Variants in LPL observed in about 807,000 individuals in gnomAD.
LPL encodes phospholipase A1.
Under a neutral mutation model 52.2 loss-of-function variants are expected in LPL, and 43 were observed. That is an observed-to-expected ratio of 0.82 (90% CI 0.64 to 1.06). LPL has a LOEUF of 1.06. Among genes scored for constraint, LPL ranks in the 50% least tolerant of loss-of-function variants. The pLI, the probability that LPL is intolerant of heterozygous loss-of-function variation, is 0.00. For synonymous variants in LPL, 244 were observed against 215.6 expected, an observed-to-expected ratio of 1.13 and a Z score of -1.15; for missense variants, 639 against 585.3, an observed-to-expected ratio of 1.09 and a Z score of -0.95.
rs2070042176 is a variant in LPL at position 19,961,894 on chromosome 8, C to G, written c.1323-221C>G. 3.9e-5 allele frequency among the ~76,000 whole-genome samples: 6 copies of G among 152,102 alleles called. No homozygotes were observed. The South Asian group carries it at 1.2e-3, about 32-fold the overall frequency. On this transcript the variant is annotated intron_variant, in intron 8 of 9. Coordinates refer to ENST00000650287, the MANE Select transcript of LPL (RefSeq NM_000237.3). The stretch of plus-strand genomic sequence containing the variant: ...TGCTCTAGGCTGTCTGCATGCCTGT[C>G]TATCTAAATTAACTAGCTTGGTTGC...
chr8:19,963,435 CAA>C (rs377320060), intron 9 of LPL, among the ~76,000 whole-genome samples: 6 of 132,728 alleles, frequency 4.5e-5, no homozygotes, highest in Non-Finnish European at 8.1e-5. Flanking sequence ...GACTCCATCT[CAA>C]AAAAAAAAAA....
chr8:19,942,033 A>C (rs1402012227), intron 1 of LPL, among the ~76,000 whole-genome samples: 1 of 152,208 alleles, frequency 6.6e-6, no homozygotes, highest in Non-Finnish European at 1.5e-5. Flanking sequence ...ATGGCAAAGG[A>C]GAGCAAAATA....
intron 1 of LPL, among the ~76,000 whole-genome samples, chr8:19,940,341 C>A (rs1244146662): frequency 6.6e-6 from 1 of 152,182 alleles, no homozygotes; most frequent in Non-Finnish European, 1.5e-5. Context: ...GTTTGGCCAC[C>A]CTTTCTGTCC....
Position 19,939,710 on chromosome 8 carries a change from T to A in LPL, c.88+182T>A, listed in dbSNP as rs1221112688. On this transcript the variant is annotated intron_variant, in intron 1 of 9. Transcript: ENST00000650287. The surrounding 1 kb of genome is among the most constrained non-coding windows in gnomAD (Gnocchi z 4.0). The stretch of plus-strand genomic sequence containing the variant: ...GGATCCAGGAGGGGCCGGGAGGGAA[T>A]CTCCTCCCGATCGTGAAGCGGCGGC... 1.3e-5 allele frequency among the ~76,000 whole-genome samples: 2 copies of A among 152,082 alleles called. No homozygotes were observed. The highest frequency in any genetic ancestry group is 2.9e-5 in the Non-Finnish European group (2 of 67,996).
chr8:19,960,382 A>G (rs1288319774), intron 7 of LPL, among the ~76,000 whole-genome samples: 2 of 152,254 alleles, frequency 1.3e-5, no homozygotes, highest in Non-Finnish European at 2.9e-5. Context: ...TCGTACCTAT[A>G]CTAGCATAAA....
At position 19,939,584 on chromosome 8, in the gene LPL, C is replaced by T. The variant is rs1156598811; in HGVS notation, c.88+56C>T. On this transcript the variant is annotated intron_variant, in intron 1 of 9. Coordinates refer to ENST00000650287, the MANE Select transcript of LPL (RefSeq NM_000237.3). This position sits in a 1 kb window ranked among gnomAD's most constrained non-coding sequence, Gnocchi z 4.0. ...TGCAGACCCGGCGGGTGGCCACTGC[C>T]ACCCGAACTGAGGATGAGAAGAAGG... 3 of 1,524,234 alleles carry T rather than the reference C, an allele frequency of 2.0e-6. No individual in the cohort carries two copies. The African/African-American group carries it at 4.1e-5, about 21-fold the overall frequency. 94.4% of individuals were successfully genotyped at this position (1,524,234 alleles called of 1,614,324 possible). A position where few individuals can be genotyped will look rare whatever the true frequency, so the allele number is the denominator to read the frequency against.
chr8:19,946,179 T>C lies in LPL; in HGVS notation c.89-2001T>C, dbSNP rs537341364. On this transcript the variant is annotated intron_variant, in intron 1 of 9. Coordinates refer to ENST00000650287, the MANE Select transcript of LPL (RefSeq NM_000237.3). ...TGAATGGATTCACGTGTACTTTTACTATATGCAAATGAAAAGAGCTTTAAA... is the reference window on the plus strand; with the variant it reads ...TGAATGGATTCACGTGTACTTTTACCATATGCAAATGAAAAGAGCTTTAAA... Among the ~76,000 whole-genome samples the C allele has an allele frequency of 3.3e-5, 5 of 152,318 alleles. No individual in the cohort carries two copies. The South Asian group carries it at 6.2e-4, about 19-fold the overall frequency.
Position 19,955,947 on chromosome 8 carries a change from G to A in LPL, c.882G>A (p.Lys294=). Residue 294 remains lysine (K), a synonymous_variant, in exon 6 of 10, where the codon AAG becomes AAA. Coordinates refer to ENST00000650287, the MANE Select transcript of LPL (RefSeq NM_000237.3). Reference sequence around the variant, plus strand: ...GTAAGGCCTACAGGTGCAGTTCCAAGGAAGCCTTTGAGAAAGGGCTCTGCT... The same window carrying A: ...GTAAGGCCTACAGGTGCAGTTCCAAAGAAGCCTTTGAGAAAGGGCTCTGCT... ...NPSKAYRCSS[K]EAFEKGLCLS... is the part of the protein sequence containing the mutation. 3 of 1,614,154 alleles carry A rather than the reference G, an allele frequency of 1.9e-6. No individual in the cohort carries two copies. The South Asian group carries it at 3.3e-5, about 18-fold the overall frequency.
intron 1 of LPL, among the ~76,000 whole-genome samples, chr8:19,945,648 C>T (rs1039193459): frequency 1.3e-5 from 2 of 152,108 alleles, no homozygotes; most frequent in Non-Finnish European, 2.9e-5. Flanking sequence ...CATGGAACTA[C>T]ACAAAGCCAG....
At chr8:19,947,057 GGCTGATACATA>G (rs2069887378) in intron 1 of LPL, among the ~76,000 whole-genome samples, 1 of 152,108 alleles carries the variant, frequency 6.6e-6, no homozygotes, top group South Asian at 2.1e-4. Flanking sequence ...AATTAACCAT[GGCTGATACATA>G]GCACGGGTAT....
intron 7 of LPL, among the ~76,000 whole-genome samples, chr8:19,960,190 G>C (rs1198967589): frequency 6.6e-6 from 1 of 152,318 alleles, no homozygotes; most frequent in East Asian, 1.9e-4. Flanking sequence ...AGACAAGGTG[G>C]TGAAGCAGAA....
chr8:19,954,282 A>G lies in LPL; in HGVS notation c.704A>G (p.Asn235Ser). 1.2e-6 allele frequency: 2 copies of G among 1,614,178 alleles called. No individual in the cohort carries two copies. The highest frequency in any genetic ancestry group is 1.1e-5 in the South Asian group (1 of 91,074). Residue 235 changes from asparagine to serine, a missense_variant, in exon 5 of 10, where the codon AAT becomes AGT. Coordinates refer to ENST00000650287, the MANE Select transcript of LPL (RefSeq NM_000237.3). The part of the protein sequence containing the change: ...KPVGHVDIYP[N>S]GGTFQPGCNI... ...GTTGGGCATGTTGACATTTACCCGA[A>G]TGGAGGTACTTTTCAGCCAGGATGT...
In LPL at chr8:19,966,531, C is replaced by G. The variant is rs750821267; in HGVS notation, c.*1221C>G. 1 of 152,120 alleles carries G rather than the reference C, an allele frequency of 6.6e-6. No homozygotes were observed. The highest frequency in any genetic ancestry group is 2.4e-5 in the African/African-American group (1 of 41,420). The allele number at this position is 152,120 out of a possible 1,614,324, so 9.4% of individuals were successfully genotyped here. A position where few individuals can be genotyped will look rare whatever the true frequency, so the allele number is the denominator to read the frequency against. ...TAGATCTCCTATTTTTCAGAATGCT[C>G]TTCTACGTATAAATATGAAATGATA... is the stretch of plus-strand genomic sequence containing the variant. On this transcript the variant is annotated 3_prime_UTR_variant, in exon 10 of 10. Transcript: ENST00000650287.
chr8:19,951,352 T>C (rs2069932753), intron 2 of LPL, among the ~76,000 whole-genome samples: 2 of 152,136 alleles, frequency 1.3e-5, no homozygotes, highest in South Asian at 4.2e-4. Context: ...CACCCCAACC[T>C]TGAAGGGAGG....
intron 1 of LPL, among the ~76,000 whole-genome samples, chr8:19,943,446 GA>G (rs1397735866): frequency 1.3e-5 from 2 of 152,150 alleles, no homozygotes; most frequent in East Asian, 3.8e-4. Flanking sequence ...TAACTAAAAA[GA>G]ATAGCGTCCC....
intron 6 of LPL, among the ~76,000 whole-genome samples, chr8:19,957,116 CAAG>C (rs2069992577): frequency 6.6e-6 from 1 of 152,192 alleles, no homozygotes; most frequent in Non-Finnish European, 1.5e-5. Context: ...TCCTGGAAGG[CAAG>C]AATATCTCAC....
chr8:19,960,480 A>G (rs1226910811), intron 7 of LPL, among the ~76,000 whole-genome samples: 1 of 152,192 alleles, frequency 6.6e-6, no homozygotes, highest in African/African-American at 2.4e-5. Context: ...TTTAAAAACT[A>G]TAATTGTAGG....
At chr8:19,954,508 C>T (rs2069965762) in intron 5 of LPL, among the ~76,000 whole-genome samples, 155 bp downstream of exon 5, 1 of 152,160 alleles carries the variant, frequency 6.6e-6, no homozygotes, top group South Asian at 2.1e-4. Flanking sequence ...GCATGACCAC[C>T]TTAGAGCCAG....
intron 3 of LPL, 28 bp downstream of exon 3, chr8:19,951,976 G>C: frequency 6.2e-7 from 1 of 1,613,224 alleles, no homozygotes; most frequent in East Asian, 2.2e-5. Flanking sequence ...AGACTTATGT[G>C]TCCAAAACAG....
Sources: allele counts gnomAD v4.1 joint callset (sites outside exome capture counted in the v4.1 genomes callset), GRCh38; gene constraint gnomAD v4.1.1; non-coding constraint Gnocchi (gnomAD v3.1); transcripts MANE v1.5; gene names NCBI Gene and HGNC (gene_info 2026-07-23, HGNC 2026-07-21).